RUNX1T1: variants seen among roughly 807,000 people sequenced by gnomAD.
RUNX1T1 encodes protein CBFA2T1.
A neutral mutation model predicts 62.8 loss-of-function variants in RUNX1T1; 4 were observed. That is an observed-to-expected ratio of 0.06 (90% CI 0.03 to 0.15). The LOEUF (loss-of-function observed/expected upper bound fraction) is 0.15. Among genes scored for constraint, RUNX1T1 ranks in the 10% least tolerant of loss-of-function variants. The pLI, the probability that RUNX1T1 is intolerant of heterozygous loss-of-function variation, is 1.00. For missense variants in RUNX1T1, 508 were observed against 754.3 expected (o/e 0.67, Z 3.82); for synonymous variants, 291 against 286.0 (o/e 1.02, Z -0.18).
chr8:92,067,577 C>T (rs1291753302), upstream of RUNX1T1, among the ~76,000 whole-genome samples: 1 of 152,148 alleles, frequency 6.6e-6, no homozygotes, highest in Non-Finnish European at 1.5e-5. Context: ...TTTCCATCTT[C>T]AATGTCTACA....
chr8:92,093,809 G>T (rs1475318440), intron 1 of RUNX1T1, among the ~76,000 whole-genome samples: 1 of 152,142 alleles, frequency 6.6e-6, no homozygotes, highest in African/African-American at 2.4e-5. Context: ...TCTTGAAAAT[G>T]GATATCCTTC....
At chr8:92,087,375 C>T (rs994117153) in intron 1 of RUNX1T1, among the ~76,000 whole-genome samples, 4 of 109,002 alleles carry the variant, frequency 3.7e-5, no homozygotes, top group African/African-American at 1.2e-4. Context: ...TCCACCCCTA[C>T]TCCACCCCAA....
chr8:92,098,041 C>T (rs1837868112), intron 1 of RUNX1T1, among the ~76,000 whole-genome samples: 1 of 152,166 alleles, frequency 6.6e-6, no homozygotes, highest in Non-Finnish European at 1.5e-5. Context: ...GGTTACCTTC[C>T]TATAAAAGGA....
chr8:91,977,426 C>A, intron 8 of RUNX1T1: 1 of 194,850 alleles, frequency 5.1e-6, no homozygotes, highest in East Asian at 8.2e-5. Flanking sequence ...AACGTTTTTA[C>A]TGAAGTAACT....
chr8:92,103,261 C>T, upstream of RUNX1T1: 1 of 239,522 alleles, frequency 4.2e-6, no homozygotes, highest in Non-Finnish European at 8.1e-6. Context: ...TCACAGGCGG[C>T]GTCTGCGTCT....
chr8:92,038,068 T>G (rs910277451), intron 1 of RUNX1T1, among the ~76,000 whole-genome samples: 1 of 151,934 alleles, frequency 6.6e-6, no homozygotes, highest in East Asian at 1.9e-4. Flanking sequence ...ATTTATTTAT[T>G]TATGTATTCT....
intron 1 of RUNX1T1, among the ~76,000 whole-genome samples, chr8:92,045,789 G>A (rs4631509): frequency 2.5e-3 from 375 of 152,102 alleles, no homozygotes; most frequent in Non-Finnish European, 4.4e-3. Flanking sequence ...CCCCTGCTAC[G>A]CTTAGTAGAA....
exon 6 of RUNX1T1, chr8:91,991,797 G>C: frequency 6.2e-7 from 1 of 1,614,090 alleles, no homozygotes; most frequent in African/African-American, 1.3e-5. Flanking sequence ...GCCGTTATTT[G>C]GACTGTACCG....
chr8:91,991,956 A>C (rs1817764071), intron 5 of RUNX1T1, 67 bp from the exon 7 acceptor site: 3 of 1,525,554 alleles, frequency 2.0e-6, no homozygotes. Context: ...TCAGTCACTC[A>C]TATTTGAGCT....
At chr8:91,981,685 G>A (rs1016692744) in intron 8 of RUNX1T1, among the ~76,000 whole-genome samples, 1 of 151,930 alleles carries the variant, frequency 6.6e-6, no homozygotes. Flanking sequence ...CAAGTGCTGG[G>A]ATTACAGGCG....
At chr8:91,955,632 TG>T, downstream of RUNX1T1, 1 of 225,984 alleles carries the variant, frequency 4.4e-6, no homozygotes, top group East Asian at 6.4e-5. Context: ...CACCCTCCCA[TG>T]TAACCAGCAT....
At chr8:92,002,870 A>G (rs1019239170) in intron 5 of RUNX1T1, among the ~76,000 whole-genome samples, 2 of 152,224 alleles carry the variant, frequency 1.3e-5, no homozygotes, top group Non-Finnish European at 2.9e-5. Flanking sequence ...AGAGAAGAGG[A>G]AAATGCATAT....
chr8:92,023,499 C>T (rs922977680), intron 1 of RUNX1T1, among the ~76,000 whole-genome samples: 3 of 152,100 alleles, frequency 2.0e-5, no homozygotes, highest in African/African-American at 7.2e-5. Flanking sequence ...ATTTTTCTCC[C>T]ATAAACATTA....
chr8:92,006,527 T>TAG (rs1820806298), intron 4 of RUNX1T1: 1 of 152,154 alleles, frequency 6.6e-6, no homozygotes, highest in Non-Finnish European at 1.5e-5. Context: ...AATAGCCTTC[T>TAG]AGAGAATCAT....
intron 9 of RUNX1T1, among the ~76,000 whole-genome samples, chr8:91,973,308 T>G (rs545704397): frequency 6.6e-6 from 1 of 151,828 alleles, no homozygotes; most frequent in Non-Finnish European, 1.5e-5. Context: ...CTAAAGCAAA[T>G]ATGATAAAAT....
In RUNX1T1 at chr8:92,034,777, C is replaced by CACACATATATACACACGTAT. The variant is rs1554630627; in HGVS notation, c.8-17415_8-17414insATACGTGTGTATATATGTGT. Among the ~76,000 whole-genome samples, 346 of 119,042 alleles carry CACACATATATACACACGTAT rather than the reference C, an allele frequency of 2.9e-3. 10 individuals carry two copies. The highest frequency in any genetic ancestry group is 4.2e-3 in the Non-Finnish European group (220 of 52,256). 78.1% of individuals were successfully genotyped at this position (119,042 alleles called of 152,430 possible). ...ATATACACACATATACATATATATACACATATATATATACATATATACACA... is the reference window on the plus strand; with the variant it reads ...ATATACACACATATACATATATATACACACATATATACACACGTATACATATATATATACATATATACACA... On this transcript the variant is annotated intron_variant, in intron 1 of 10. Transcript: ENST00000396218.
At chr8:92,002,657 G>A (rs1418826488) in intron 5 of RUNX1T1, among the ~76,000 whole-genome samples, 1 of 151,994 alleles carries the variant, frequency 6.6e-6, no homozygotes, top group Non-Finnish European at 1.5e-5. Context: ...AGTGACTGAT[G>A]GCTCCCAGTG....
chr8:92,094,106 C>A (rs980715523), intron 1 of RUNX1T1, among the ~76,000 whole-genome samples: 1 of 152,192 alleles, frequency 6.6e-6, no homozygotes, highest in East Asian at 1.9e-4. Context: ...ATCATGCTCA[C>A]TGAGGCAACA....
intron 10 of RUNX1T1, among the ~76,000 whole-genome samples, chr8:91,962,339 A>C (rs1021015165): frequency 1.3e-5 from 2 of 152,236 alleles, no homozygotes; most frequent in Non-Finnish European, 1.5e-5. Context: ...TTAAAATCTC[A>C]AACTCTGGCC....
Sources: gnomAD v4.1 joint callset for allele counts (sites outside exome capture counted in the v4.1 genomes callset) on GRCh38, gnomAD v4.1.1 for gene constraint, MANE v1.5 for transcripts, NCBI Gene and HGNC (gene_info 2026-07-23, HGNC 2026-07-21) for gene names.